The following ZNF407 variants were observed in gnomAD, a reference collection of about 807,000 sequenced individuals.
ZNF407 encodes zinc finger protein 407.
A neutral mutation model predicts 131.2 loss-of-function variants in ZNF407; 17 were observed. The ratio of observed to expected loss-of-function variants is 0.13; its 90% CI spans 0.09 to 0.19. ZNF407 has a LOEUF of 0.19. Ranked by LOEUF, ZNF407 falls within the 10% of genes least tolerant of loss-of-function variation. ZNF407 has a pLI of 1.00. For missense variants in ZNF407, 2,681 were observed against 2,830.6 expected, an observed-to-expected ratio of 0.95 and a Z score of 1.20; for synonymous variants, 1,156 against 1,062.0, an observed-to-expected ratio of 1.09 and a Z score of -1.72.
intron 2 of ZNF407, among the ~76,000 whole-genome samples, chr18:74,637,355 T>C (rs1418825457): frequency 6.6e-6 from 1 of 152,334 alleles, no homozygotes; most frequent in African/African-American, 2.4e-5. Flanking sequence ...AGTCCATTAG[T>C]CTTCCTTGAC....
chr18:74,624,084 C>T lies in ZNF407; in HGVS notation c.-53-6883C>T, dbSNP rs187611635. Among the ~76,000 whole-genome samples the T allele has an allele frequency of 1.8e-3, 275 of 152,202 alleles. 1 individual carries two copies. The highest frequency in any genetic ancestry group is 3.1e-3 in the Non-Finnish European group (208 of 68,024). Reference sequence around the variant, plus strand: ...CTCATTCTACTTCTCCACTGGGTTACAAGCACTGGTACTTTGAGAGGGAAA... The same window carrying T: ...CTCATTCTACTTCTCCACTGGGTTATAAGCACTGGTACTTTGAGAGGGAAA... On this transcript the variant is annotated intron_variant, in intron 1 of 8. Transcript: ENST00000299687.
At chr18:74,619,653 C>G (rs1188889480) in intron 1 of ZNF407, among the ~76,000 whole-genome samples, 1 of 151,914 alleles carries the variant, frequency 6.6e-6, no homozygotes, top group African/African-American at 2.4e-5. Context: ...GTGAATAGAC[C>G]GTTTAAACTA....
intron 8 of ZNF407, among the ~76,000 whole-genome samples, chr18:74,942,245 G>A (rs562560445): frequency 2.0e-5 from 3 of 152,334 alleles, no homozygotes; most frequent in South Asian, 4.1e-4. Context: ...TGTGAAGTGC[G>A]CTGCAGTCTC....
intron 8 of ZNF407, among the ~76,000 whole-genome samples, chr18:75,029,882 T>C (rs1266845634): frequency 6.6e-6 from 1 of 152,194 alleles, no homozygotes; most frequent in African/African-American, 2.4e-5. Context: ...AAATCAAGGA[T>C]GAATTCTTGC....
chr18:74,934,489 G>T (rs1972017020), intron 8 of ZNF407, among the ~76,000 whole-genome samples: 1 of 152,146 alleles, frequency 6.6e-6, no homozygotes, highest in Non-Finnish European at 1.5e-5. Context: ...AAATCCTTTT[G>T]CATCTTGGAG....
chr18:74,676,437 A>ATTT (rs1178240160), intron 3 of ZNF407, among the ~76,000 whole-genome samples: 3 of 119,688 alleles, frequency 2.5e-5, no homozygotes, highest in Non-Finnish European at 3.5e-5. Flanking sequence ...GTGATATAGC[A>ATTT]TTTTTTTTTT....
chr18:74,898,496 A>G (rs1005952591), intron 7 of ZNF407: 6 of 152,224 alleles, frequency 3.9e-5, no homozygotes, highest in Non-Finnish European at 8.8e-5. Context: ...AATAAATTAG[A>G]ATTCCTTATT....
In ZNF407 at chr18:75,063,096, T is replaced by C. The variant is rs560958323; in HGVS notation, c.5429-54T>C. ...CGCTTCTGCAGAAGAAGTGTCTTAC[T>C]TGTAAGCCTACGAGTACTTTTTCCA... On this transcript the variant is annotated intron_variant, in intron 8 of 8. Coordinates refer to ENST00000299687, the MANE Select transcript of ZNF407 (RefSeq NM_017757.3). The surrounding 1 kb of genome is among the most constrained non-coding windows in gnomAD (Gnocchi z 6.6). The C allele has an allele frequency of 1.5e-5, 23 of 1,485,680 alleles. No individual in the cohort carries two copies. In the East Asian group the frequency reaches 4.6e-4, roughly 29 times the overall value. The allele number at this position is 1,485,680 out of a possible 1,614,324, so 92.0% of individuals were successfully genotyped here.
chr18:74,820,921 C>T (rs773121829), intron 4 of ZNF407, among the ~76,000 whole-genome samples: 20 of 152,086 alleles, frequency 1.3e-4, no homozygotes, highest in Non-Finnish European at 2.8e-4. Flanking sequence ...GAGAGTGATA[C>T]TCTACAACGT....
At chr18:74,925,685 T>G (rs1221245779) in intron 8 of ZNF407, among the ~76,000 whole-genome samples, 1 of 152,216 alleles carries the variant, frequency 6.6e-6, no homozygotes, top group Non-Finnish European at 1.5e-5. Flanking sequence ...GTACAACAAT[T>G]CATTTTCTGA....
In ZNF407 at chr18:74,632,943, T is replaced by C. The variant is rs760826463; in HGVS notation, c.1924T>C (p.Ser642Pro). 1.2e-6 allele frequency: 2 copies of C among 1,613,268 alleles called. No individual in the cohort carries two copies. The highest frequency in any genetic ancestry group is 1.7e-6 in the Non-Finnish European group (2 of 1,179,692). ...EHKATEKHINSLVQPKTLQSS... is the reference protein window; with the variant it reads ...EHKATEKHINPLVQPKTLQSS... Reference sequence around the variant, plus strand: ...CAAAGCCACCGAGAAGCATATTAATTCATTGGTTCAACCAAAGACTTTGCA... The same window carrying C: ...CAAAGCCACCGAGAAGCATATTAATCCATTGGTTCAACCAAAGACTTTGCA... Residue 642 changes from serine (S) to proline (P), a missense_variant, in exon 2 of 9, where the codon TCA becomes CCA. Physicochemically the swap from Ser to Pro is moderately conservative, Grantham distance 74. Coordinates refer to ENST00000299687, the MANE Select transcript of ZNF407 (RefSeq NM_017757.3).
chr18:75,002,036 C>T (rs1023500463), intron 8 of ZNF407, among the ~76,000 whole-genome samples: 7 of 152,288 alleles, frequency 4.6e-5, no homozygotes, highest in African/African-American at 9.6e-5. Context: ...CCAGAGAGCC[C>T]GGTCTCCACA....
intron 8 of ZNF407, among the ~76,000 whole-genome samples, chr18:75,025,475 T>C (rs1300479139): frequency 1.3e-5 from 2 of 152,212 alleles, no homozygotes; most frequent in Non-Finnish European, 2.9e-5. Flanking sequence ...GGGTTATAAA[T>C]GTGGCAGCTC....
rs577381682 is a variant in ZNF407, at chr18:74,886,889, A to G, written c.5129-3029A>G. Among the ~76,000 whole-genome samples the G allele has an allele frequency of 5.9e-5, 9 of 152,352 alleles. No individual in the cohort carries two copies. In the East Asian group the frequency reaches 1.5e-3, roughly 26 times the overall value. On this transcript the variant is annotated intron_variant, in intron 6 of 8. Coordinates refer to ENST00000299687, the MANE Select transcript of ZNF407 (RefSeq NM_017757.3). ...TTATGCCTCACTGAAGCTGTTTAAA[A>G]TGCTTTATACATTTGGCCTCATACG... is the stretch of plus-strand genomic sequence containing the variant.
intron 8 of ZNF407, among the ~76,000 whole-genome samples, chr18:74,981,042 G>A (rs925864516): frequency 6.6e-6 from 1 of 152,228 alleles, no homozygotes; most frequent in Non-Finnish European, 1.5e-5. Context: ...GGGTAAGGAC[G>A]CCTCCAGGAG....
At chr18:74,811,937 C>G (rs918827642) in intron 4 of ZNF407, among the ~76,000 whole-genome samples, 2 of 151,122 alleles carry the variant, frequency 1.3e-5, no homozygotes, top group Non-Finnish European at 2.9e-5. Context: ...TGCTAAATGA[C>G]GAGTTAATGG....
intron 7 of ZNF407, among the ~76,000 whole-genome samples, chr18:74,900,510 C>G (rs1279809526): frequency 4.6e-5 from 7 of 152,224 alleles, no homozygotes; most frequent in African/African-American, 1.7e-4. Flanking sequence ...CTGTGTTTCA[C>G]TAATTTAACA....
At chr18:75,036,550 G>A (rs762146587) in intron 8 of ZNF407, among the ~76,000 whole-genome samples, 23 of 152,342 alleles carry the variant, frequency 1.5e-4, no homozygotes, top group African/African-American at 2.9e-4. Flanking sequence ...TTACATTTGC[G>A]ATTAAATCTT....
intron 8 of ZNF407, among the ~76,000 whole-genome samples, chr18:75,049,574 G>T (rs1043989729): frequency 6.6e-6 from 1 of 152,052 alleles, no homozygotes; most frequent in African/African-American, 2.4e-5. Context: ...TTTTTTAATA[G>T]GAGTCTCAAT....
Sources: allele counts gnomAD v4.1 joint callset (sites outside exome capture counted in the v4.1 genomes callset), GRCh38; gene constraint gnomAD v4.1.1; non-coding constraint Gnocchi (gnomAD v3.1); transcripts MANE v1.5; gene names NCBI Gene and HGNC (gene_info 2026-07-23, HGNC 2026-07-21).